Variants in FOXP1 observed in about 807,000 individuals in gnomAD.
The protein encoded by FOXP1 is forkhead box P1.
FOXP1 carries 15 observed loss-of-function variants against 98.2 expected under a neutral mutation model. The ratio of observed to expected loss-of-function variants is 0.15; its 90% CI spans 0.10 to 0.24. The LOEUF (loss-of-function observed/expected upper bound fraction) is 0.24, where lower values mean the gene tolerates loss of function less well. Ranked by LOEUF, FOXP1 falls within the 10% of genes least tolerant of loss-of-function variation. The pLI is 1.00. For synonymous variants in FOXP1, 371 were observed against 314.5 expected, an observed-to-expected ratio of 1.18 and a Z score of -1.90; for missense variants, 633 against 848.5, an observed-to-expected ratio of 0.75 and a Z score of 3.15.
chr3:71,170,464 G>A (rs759805740), intron 6 of FOXP1, among the ~76,000 whole-genome samples: 4 of 152,142 alleles, frequency 2.6e-5, no homozygotes, highest in African/African-American at 4.8e-5. Context: ...AGCAACTACT[G>A]TATGAATGAG....
At chr3:71,575,730 G>A (rs2107837269) in intron 2 of FOXP1, among the ~76,000 whole-genome samples, 1 of 152,330 alleles carries the variant, frequency 6.6e-6, no homozygotes, top group Middle Eastern at 3.4e-3. Context: ...TTTTAAAAAT[G>A]TGAGTAATAA....
At chr3:70,983,808 G>GTAATT (rs1361764360) in intron 14 of FOXP1, among the ~76,000 whole-genome samples, 2 of 152,180 alleles carry the variant, frequency 1.3e-5, no homozygotes, top group African/African-American at 4.8e-5. Flanking sequence ...GAAATCCGTA[G>GTAATT]TAATTTAATA....
chr3:71,441,536 G>A (rs1283255577), intron 3 of FOXP1, among the ~76,000 whole-genome samples: 1 of 152,198 alleles, frequency 6.6e-6, no homozygotes, highest in African/African-American at 2.4e-5. Flanking sequence ...GTCAGGCCCT[G>A]TGCTAAATGC....
chr3:71,087,497 C>A (rs1266540468), intron 7 of FOXP1, among the ~76,000 whole-genome samples: 2 of 152,180 alleles, frequency 1.3e-5, no homozygotes, highest in Non-Finnish European at 2.9e-5. Flanking sequence ...CAGTGCATCA[C>A]AAAATGACAA....
chr3:70,986,865 C>T (rs1248630860), intron 14 of FOXP1, among the ~76,000 whole-genome samples: 1 of 152,158 alleles, frequency 6.6e-6, no homozygotes, highest in Non-Finnish European at 1.5e-5. Context: ...TTAATTTTGC[C>T]TGCCAACTGC....
intron 12 of FOXP1, among the ~76,000 whole-genome samples, chr3:71,008,583 TA>T (rs922881033): frequency 1.7e-4 from 25 of 151,440 alleles, no homozygotes; most frequent in Admixed American, 9.9e-4. Context: ...GTTGATAGAT[TA>T]AAAAAAAATC....
intron 11 of FOXP1, among the ~76,000 whole-genome samples, chr3:71,037,024 A>T (rs1000611461): frequency 6.6e-6 from 1 of 152,178 alleles, no homozygotes; most frequent in Non-Finnish European, 1.5e-5. Flanking sequence ...TATGCCACTA[A>T]CCACCAGTTC....
At chr3:71,199,388 G>A (rs539407187) in intron 5 of FOXP1, among the ~76,000 whole-genome samples, 17 of 151,632 alleles carry the variant, frequency 1.1e-4, no homozygotes, top group Admixed American at 3.3e-4. Context: ...TACAGGCCTC[G>A]TGAGCCATGG....
intron 6 of FOXP1, among the ~76,000 whole-genome samples, chr3:71,127,067 C>T (rs1398056228): frequency 6.6e-6 from 1 of 151,898 alleles, no homozygotes; most frequent in African/African-American, 2.4e-5. Flanking sequence ...CTTCAGGAGC[C>T]AAACAACCCA....
In FOXP1 at chr3:71,440,055, T is replaced by C. The variant is rs989660267; in HGVS notation, c.-168+53371A>G. On this transcript the variant is annotated intron_variant, in intron 3 of 20. Transcript: ENST00000649528. ...AAGCCAGTCACAAAAAGACAAATAC[T>C]ATATGATTCCATTTATATGAGGTAT... Among the ~76,000 whole-genome samples, 9 of 152,086 alleles carry C rather than the reference T, an allele frequency of 5.9e-5. 1 individual carries two copies. Among genetic ancestry groups the C allele is most frequent in the African/African-American group, 1.9e-4 (8 of 41,504 alleles).
At chr3:71,089,369 G>A (rs990241325) in intron 7 of FOXP1, among the ~76,000 whole-genome samples, 4 of 152,128 alleles carry the variant, frequency 2.6e-5, no homozygotes, top group African/African-American at 4.8e-5. Flanking sequence ...TCTTGGAAGC[G>A]GCTCCCCTAG....
At chr3:71,442,880 TTTTTTA>T (rs2086072291) in intron 3 of FOXP1, among the ~76,000 whole-genome samples, 2 of 138,444 alleles carry the variant, frequency 1.4e-5, no homozygotes. Context: ...ATTTAAATCT[TTTTTTA>T]TTTTTTTTTT....
At chr3:71,281,039 C>CAA (rs55640213) in intron 5 of FOXP1, among the ~76,000 whole-genome samples, 989 of 82,706 alleles carry the variant, frequency 0.012, no homozygotes, top group Middle Eastern at 0.017. Context: ...CCCTTCTCTA[C>CAA]AAAAAAAAAA....
chr3:70,972,472 A>G (rs964919438), intron 18 of FOXP1, 83 bp downstream of exon 18: 2 of 1,579,824 alleles, frequency 1.3e-6, no homozygotes, highest in Admixed American at 3.3e-5. Context: ...TTGGTCTAAC[A>G]CCATCTAGCA....
rs373934071 is a variant in FOXP1 at position 70,954,762 on chromosome 3, A to G, written c.*4485T>C. The G allele has an allele frequency of 1.7e-5, 4 of 230,310 alleles. No individual in the cohort carries two copies. Among genetic ancestry groups the G allele is most frequent in the African/African-American group, 4.4e-5 (2 of 45,340 alleles). 14.3% of individuals were successfully genotyped at this position (230,310 alleles called of 1,614,324 possible). On this transcript the variant is annotated 3_prime_UTR_variant, in exon 21 of 21. Coordinates refer to ENST00000649528, the MANE Select transcript of FOXP1 (RefSeq NM_001349338.3). ...TTTATTGCATTTGAGAATGCTTATAATGTCAGTAATTAGTACTGACTACAC... is the reference window on the plus strand; with the variant it reads ...TTTATTGCATTTGAGAATGCTTATAGTGTCAGTAATTAGTACTGACTACAC...
chr3:71,481,218 C>T (rs571935510), intron 3 of FOXP1, among the ~76,000 whole-genome samples: 3 of 152,170 alleles, frequency 2.0e-5, no homozygotes, highest in Admixed American at 2.0e-4. Context: ...TTTTCTAATG[C>T]TTTATGTGTG....
At chr3:71,540,418 C>A (rs1313458397) in intron 2 of FOXP1, among the ~76,000 whole-genome samples, 2 of 152,170 alleles carry the variant, frequency 1.3e-5, no homozygotes, top group African/African-American at 2.4e-5. Context: ...GAAACACAAA[C>A]CAATCTACAG....
chr3:71,561,275 C>T (rs1174014224), intron 2 of FOXP1, among the ~76,000 whole-genome samples: 4 of 152,058 alleles, frequency 2.6e-5, no homozygotes, highest in South Asian at 2.1e-4. Context: ...AGGCTGGTCT[C>T]GAACTCCTGA....
At chr3:71,258,791 T>G (rs2068849144) in intron 5 of FOXP1, among the ~76,000 whole-genome samples, 1 of 152,188 alleles carries the variant, frequency 6.6e-6, no homozygotes, top group Non-Finnish European at 1.5e-5. Context: ...GGACTATCAC[T>G]GATAATATTA....
Sources: gnomAD v4.1 joint callset for allele counts (sites outside exome capture counted in the v4.1 genomes callset) on GRCh38, gnomAD v4.1.1 for gene constraint, MANE v1.5 for transcripts, NCBI Gene and HGNC (gene_info 2026-07-23, HGNC 2026-07-21) for gene names.